AACS: variants seen among roughly 807,000 people sequenced by gnomAD.
AACS encodes acetoacetate-CoA ligase.
Under a neutral mutation model 83.1 loss-of-function variants are expected in AACS, and 69 were observed. The ratio of observed to expected loss-of-function variants is 0.83; its 90% CI spans 0.68 to 1.01. AACS has a LOEUF of 1.01. Ranked by LOEUF, AACS falls within the 50% of genes least tolerant of loss-of-function variation. The pLI, the probability that AACS is intolerant of heterozygous loss-of-function variation, is 0.00. For missense variants in AACS, 866 were observed against 882.2 expected (o/e 0.98, Z 0.23); for synonymous variants, 333 against 343.4 (o/e 0.97, Z 0.33).
intron 5 of AACS, among the ~76,000 whole-genome samples, chr12:125,093,554 C>T (rs1956537711): frequency 6.6e-6 from 1 of 152,190 alleles, no homozygotes; most frequent in Admixed American, 6.5e-5. Context: ...CGGGGTTGGT[C>T]CAGGGTTTTC....
At chr12:125,077,952 C>T (rs774532761) in intron 3 of AACS, 3 of 359,130 alleles carry the variant, frequency 8.4e-6, no homozygotes, top group South Asian at 2.1e-5. Context: ...CAGGTGATTC[C>T]CCCCGCCTCG....
intron 5 of AACS, among the ~76,000 whole-genome samples, chr12:125,095,163 G>T (rs1211138385): frequency 1.3e-5 from 2 of 152,200 alleles, no homozygotes; most frequent in Non-Finnish European, 2.9e-5. Context: ...AGGTGTGTTT[G>T]TTTTGTTGCA....
rs1205159894 is a variant in AACS at position 125,094,840 on chromosome 12, G to A, written c.570+3317G>A. ...GTCCTGAGTCTTTTGATGGCTTTGG[G>A]TTTTTTGTTTCACTGTTTACCTTTG... On this transcript the variant is annotated intron_variant, in intron 5 of 17. Transcript: ENST00000316519. The surrounding 1 kb of genome is among the most constrained non-coding windows in gnomAD (Gnocchi z 4.1). Among the ~76,000 whole-genome samples, 1 of 152,104 alleles carries A rather than the reference G, an allele frequency of 6.6e-6. No individual in the cohort carries two copies. Among genetic ancestry groups the A allele is most frequent in the African/African-American group, 2.4e-5 (1 of 41,402 alleles).
chr12:125,128,071 T>G (rs141423003), intron 12 of AACS, 90 bp from the exon 13 acceptor site: 1 of 918,374 alleles, frequency 1.1e-6, no homozygotes, highest in Admixed American at 2.5e-5. Context: ...ATATTTGTCC[T>G]CTTGGCACCT....
At chr12:125,103,464 T>TA (rs1565939785) in intron 7 of AACS, among the ~76,000 whole-genome samples, 5 of 142,362 alleles carry the variant, frequency 3.5e-5, no homozygotes, top group Non-Finnish European at 7.7e-5. Context: ...AAGGCACACA[T>TA]ATCTACACGT....
intron 13 of AACS, 58 bp downstream of exon 13, chr12:125,128,332 G>C: frequency 6.8e-7 from 1 of 1,463,536 alleles, no homozygotes; most frequent in Admixed American, 2.0e-5. Context: ...GAGTGTGGGA[G>C]CGTTCGGATG....
chr12:125,082,581 G>A (rs1956219434), intron 3 of AACS, among the ~76,000 whole-genome samples: 1 of 149,552 alleles, frequency 6.7e-6, no homozygotes, highest in Non-Finnish European at 1.5e-5. Flanking sequence ...CCAGCACTTT[G>A]GGAGCCCGAA....
intron 5 of AACS, chr12:125,102,439 C>T (rs889867915): frequency 1.9e-5 from 8 of 424,960 alleles, no homozygotes; most frequent in African/African-American, 4.1e-5. Flanking sequence ...CCGTGAAATG[C>T]AGTGGTCCTA....
At position 125,101,832 on chromosome 12, in the gene AACS, T is replaced by C. The variant is rs1055084361; in HGVS notation, c.571-847T>C. On this transcript the variant is annotated intron_variant, in intron 5 of 17. Coordinates refer to ENST00000316519, the MANE Select transcript of AACS (RefSeq NM_023928.5). The stretch of plus-strand genomic sequence containing the variant: ...CCCAGGGTGGAGTGCAGTGGCACTA[T>C]CTTGGTTCACTGCAACCTCTGCCTC... 3 of 142,512 alleles carry C rather than the reference T, an allele frequency of 2.1e-5. No homozygotes were observed. The Admixed American group carries it at 2.3e-4, about 11-fold the overall frequency. 8.8% of individuals were successfully genotyped at this position (142,512 alleles called of 1,614,324 possible).
In AACS at chr12:125,086,361, T is replaced by C. The variant is rs779678301; in HGVS notation, c.390T>C (p.Thr130=). ...REGKEEIVKV[T]FEELRQEVAL... ...GCAAAGAGGAAATTGTGAAGGTGAC[T>C]TTTGAAGAGCTGAGGCAAGAAGTGG... Residue 130 remains threonine (T), a synonymous_variant, in exon 4 of 18, where the codon ACT becomes ACC. Transcript: ENST00000316519. The C allele has an allele frequency of 6.2e-7, 1 of 1,614,210 alleles. No homozygotes were observed. Among genetic ancestry groups the C allele is most frequent in the Non-Finnish European group, 8.5e-7 (1 of 1,180,038 alleles).
intron 4 of AACS, chr12:125,091,199 G>A: frequency 1.8e-6 from 1 of 562,108 alleles, no homozygotes; most frequent in Non-Finnish European, 3.2e-6. Context: ...AGAGCCCACG[G>A]GGTCATTGTC....
chr12:125,098,651 C>T (rs1956661471), intron 5 of AACS, among the ~76,000 whole-genome samples: 2 of 152,126 alleles, frequency 1.3e-5, no homozygotes, highest in African/African-American at 2.4e-5. Context: ...GGGGTTTCAC[C>T]ATGTTGGCCA....
chr12:125,072,368 G>A (rs1007078048), intron 1 of AACS, among the ~76,000 whole-genome samples: 1 of 152,180 alleles, frequency 6.6e-6, no homozygotes, highest in African/African-American at 2.4e-5. Context: ...TGAAGGGCAG[G>A]GAGCATCGTG....
At chr12:125,137,680 A>G (rs1481539158) in intron 17 of AACS, among the ~76,000 whole-genome samples, 1 of 152,222 alleles carries the variant, frequency 6.6e-6, no homozygotes, top group East Asian at 1.9e-4. Context: ...ATTGGATCAC[A>G]GCTTTCATTT....
At chr12:125,114,401 C>T (rs1201337639) in intron 8 of AACS, 76 bp from the exon 9 acceptor site, 24 of 1,228,052 alleles carry the variant, frequency 2.0e-5, no homozygotes, top group East Asian at 4.8e-5. Flanking sequence ...GTCTGAGCAG[C>T]GCGTGGGCCA....
At chr12:125,077,618 C>T (rs745375623) in intron 3 of AACS, among the ~76,000 whole-genome samples, 1 of 152,074 alleles carries the variant, frequency 6.6e-6, no homozygotes, top group Non-Finnish European at 1.5e-5. Flanking sequence ...TCGTGTTCTG[C>T]CTCCAGAATA....
At chr12:125,075,324 G>A (rs541646495) in intron 2 of AACS, among the ~76,000 whole-genome samples, 4 of 151,360 alleles carry the variant, frequency 2.6e-5, no homozygotes, top group Non-Finnish European at 4.4e-5. Flanking sequence ...CTTTGAGACC[G>A]AGTCTCGCTT....
intron 16 of AACS, among the ~76,000 whole-genome samples, chr12:125,135,574 C>T (rs1957390056): frequency 6.6e-6 from 1 of 152,126 alleles, no homozygotes; most frequent in South Asian, 2.1e-4. Context: ...GGACCCAGAC[C>T]CAGCCCAGGC....
intron 5 of AACS, chr12:125,092,772 T>G (rs975265144): frequency 6.6e-6 from 1 of 152,564 alleles, no homozygotes; most frequent in African/African-American, 2.4e-5. Flanking sequence ...GGGCCCTCTG[T>G]GGGGGCTGCC....
Sources: gnomAD v4.1 joint callset for allele counts (sites outside exome capture counted in the v4.1 genomes callset) on GRCh38, gnomAD v4.1.1 for gene constraint, Gnocchi (gnomAD v3.1) non-coding constraint, MANE v1.5 for transcripts, NCBI Gene and HGNC (gene_info 2026-07-23, HGNC 2026-07-21) for gene names.